Variants in PDGFD observed in about 807,000 individuals in gnomAD.
PDGFD encodes platelet-derived growth factor D.
A neutral mutation model predicts 44.7 loss-of-function variants in PDGFD; 30 were observed. The observed-to-expected ratio is 0.67, with a 90% CI of 0.50 to 0.91. The LOEUF (loss-of-function observed/expected upper bound fraction) is 0.91, where lower values mean the gene tolerates loss of function less well. PDGFD is among the 40% of genes least tolerant of loss of function. The pLI is 0.00. For synonymous variants in PDGFD, 173 were observed against 168.4 expected (o/e 1.03, Z -0.21); for missense variants, 445 against 457.8 (o/e 0.97, Z 0.25).
intron 6 of PDGFD, 124 bp from the exon 7 acceptor site, chr11:103,909,943 G>C: frequency 8.5e-7 from 1 of 1,178,718 alleles, no homozygotes; most frequent in Admixed American, 2.0e-5. Context: ...GAAGCTATGG[G>C]CTTGCTATTA....
At chr11:104,064,395 T>C (rs1860757586) in intron 1 of PDGFD, among the ~76,000 whole-genome samples, 1 of 152,326 alleles carries the variant, frequency 6.6e-6, no homozygotes, top group African/African-American at 2.4e-5. Context: ...CAGAAGCACA[T>C]GGGAACAATT....
At position 104,023,276 on chromosome 11, in the gene PDGFD, T is replaced by G. The variant is rs1859992253; in HGVS notation, c.125-23021A>C. 2.6e-5 allele frequency among the ~76,000 whole-genome samples: 4 copies of G among 152,160 alleles called. No individual in the cohort carries two copies. The South Asian group carries it at 8.3e-4, about 31-fold the overall frequency. ...GTATTTTACTTACATCTTTCTGAACTACAAACTTCTTTGCTCTAATGCATT... is the reference window on the plus strand; with the variant it reads ...GTATTTTACTTACATCTTTCTGAACGACAAACTTCTTTGCTCTAATGCATT... On this transcript the variant is annotated intron_variant, in intron 1 of 6. Coordinates refer to ENST00000393158, the MANE Select transcript of PDGFD (RefSeq NM_025208.5).
intron 1 of PDGFD, among the ~76,000 whole-genome samples, chr11:104,107,653 C>CA (rs1322329389): frequency 6.6e-6 from 1 of 152,132 alleles, no homozygotes; most frequent in Non-Finnish European, 1.5e-5. Context: ...GAGAATATGA[C>CA]ACTGTTTTTC....
At chr11:103,921,876 A>AGGCCGGGCGCGGTGGCGGGCGCCTGT (rs1591077165) in intron 6 of PDGFD, among the ~76,000 whole-genome samples, 1 of 148,828 alleles carries the variant, frequency 6.7e-6, no homozygotes, top group Non-Finnish European at 1.5e-5. Flanking sequence ...TCAATTAGTT[A>AGGCCGGGCGCGGTGGCGGGCGCCTGT]AAACTAAATA....
chr11:103,954,270 T>C (rs1175589989), intron 3 of PDGFD, among the ~76,000 whole-genome samples: 4 of 152,212 alleles, frequency 2.6e-5, no homozygotes, highest in African/African-American at 9.6e-5. Flanking sequence ...CTGCACATAT[T>C]CAACCACGTA....
At chr11:104,097,248 T>C (rs1480589734) in intron 1 of PDGFD, among the ~76,000 whole-genome samples, 1 of 152,186 alleles carries the variant, frequency 6.6e-6, no homozygotes, top group Non-Finnish European at 1.5e-5. Flanking sequence ...ACTTCATATG[T>C]ATTGGGACAT....
chr11:103,933,934 G>A (rs1858446057), intron 5 of PDGFD, among the ~76,000 whole-genome samples: 1 of 152,150 alleles, frequency 6.6e-6, no homozygotes, highest in African/African-American at 2.4e-5. Context: ...TGAACCCTGG[G>A]AATTCATGAC....
chr11:104,035,590 G>T (rs1413884188), intron 1 of PDGFD, among the ~76,000 whole-genome samples: 2 of 120,952 alleles, frequency 1.7e-5, no homozygotes, highest in Non-Finnish European at 3.3e-5. Context: ...TTTGGAGGAG[G>T]AATTCTTGCT....
intron 1 of PDGFD, among the ~76,000 whole-genome samples, chr11:104,042,895 T>C (rs1860380151): frequency 6.6e-6 from 1 of 152,214 alleles, no homozygotes; most frequent in Admixed American, 6.5e-5. Flanking sequence ...TATTCTGCCT[T>C]TCAAACTTCT....
At chr11:103,966,148 A>G (rs1451370955) in intron 3 of PDGFD, among the ~76,000 whole-genome samples, 1 of 152,180 alleles carries the variant, frequency 6.6e-6, no homozygotes, top group Non-Finnish European at 1.5e-5. Context: ...TATTCCCAGT[A>G]TGTTTCAGAT....
chr11:104,064,560 T>C (rs895206677), intron 1 of PDGFD, among the ~76,000 whole-genome samples: 4 of 152,106 alleles, frequency 2.6e-5, no homozygotes, highest in Admixed American at 1.3e-4. Context: ...CAAGAAAGCA[T>C]TTTGGATTGT....
chr11:104,065,733 CA>C (rs1479454161), intron 1 of PDGFD, among the ~76,000 whole-genome samples: 1 of 152,134 alleles, frequency 6.6e-6, no homozygotes, highest in Admixed American at 6.5e-5. Flanking sequence ...CCACCTTCAT[CA>C]AGGTGCTGTG....
At chr11:104,055,974 A>C (rs1422654985) in intron 1 of PDGFD, among the ~76,000 whole-genome samples, 1 of 152,212 alleles carries the variant, frequency 6.6e-6, no homozygotes, top group African/African-American at 2.4e-5. Context: ...AATAAAAAAC[A>C]AAAATCAATA....
At position 103,943,644 on chromosome 11, in the gene PDGFD, A is replaced by G. The variant is rs766275317; in HGVS notation, c.580T>C (p.Ser194Pro). 56 of 1,611,820 alleles carry G rather than the reference A, an allele frequency of 3.5e-5. No individual in the cohort carries two copies. Among genetic ancestry groups the G allele is most frequent in the Non-Finnish European group, 4.6e-5 (54 of 1,178,912 alleles). ...ESVTSSISGV[S>P]YNSPSVTDPT... Reference sequence around the variant, plus strand: ...TCCGTTACTGATGGAGAGTTATAGGATACCCCCTAAGAGTGACATACAGCT... The same window carrying G: ...TCCGTTACTGATGGAGAGTTATAGGGTACCCCCTAAGAGTGACATACAGCT... The change falls in exon 5 of 7, where the codon TCC (serine) becomes CCC (proline). Residue 194 changes from serine to proline, a missense_variant. Ser to Pro is a moderately conservative substitution (Grantham distance 74). Coordinates refer to ENST00000393158, the MANE Select transcript of PDGFD (RefSeq NM_025208.5).
intron 1 of PDGFD, among the ~76,000 whole-genome samples, chr11:104,160,423 A>G (rs1862372028): frequency 6.6e-6 from 1 of 152,206 alleles, no homozygotes; most frequent in Non-Finnish European, 1.5e-5. Flanking sequence ...TATTGCAGTT[A>G]ATTGCTACCT....
At chr11:103,958,858 G>A (rs1365802327) in intron 3 of PDGFD, among the ~76,000 whole-genome samples, 2 of 152,064 alleles carry the variant, frequency 1.3e-5, no homozygotes, top group Non-Finnish European at 2.9e-5. Flanking sequence ...TGAAGATTAA[G>A]GCCATGTCAC....
rs552101148 is a variant in PDGFD, at chr11:103,995,401, T to C, written c.510+664A>G. ...CGACTAAAATTAACTACAATGTAGA[T>C]TTTGGCTCATTATAAGGTTGAACAT... On this transcript the variant is annotated intron_variant, in intron 3 of 6. Coordinates refer to ENST00000393158, the MANE Select transcript of PDGFD (RefSeq NM_025208.5). Among the ~76,000 whole-genome samples, 31 of 152,304 alleles carry C rather than the reference T, an allele frequency of 2.0e-4. 1 individual carries two copies. In the South Asian group the frequency reaches 6.4e-3, roughly 32 times the overall value.
chr11:103,980,121 T>C (rs1859246385), intron 3 of PDGFD, among the ~76,000 whole-genome samples: 1 of 152,160 alleles, frequency 6.6e-6, no homozygotes, highest in African/African-American at 2.4e-5. Context: ...TTCTTTTTTA[T>C]CTGTTACAGA....
chr11:104,145,940 G>A (rs1226030478), intron 1 of PDGFD, among the ~76,000 whole-genome samples: 1 of 152,134 alleles, frequency 6.6e-6, no homozygotes, highest in African/African-American at 2.4e-5. Context: ...GTAAGATGGC[G>A]ACCATCTATC....
Sources: gnomAD v4.1 joint callset for allele counts (sites outside exome capture counted in the v4.1 genomes callset) on GRCh38, gnomAD v4.1.1 for gene constraint, MANE v1.5 for transcripts, NCBI Gene and HGNC (gene_info 2026-07-23, HGNC 2026-07-21) for gene names.